The following SETBP1 variants were observed in gnomAD, a reference collection of about 807,000 sequenced individuals.
The protein encoded by SETBP1 is SET binding protein 1, also known as SET-binding protein.
In SETBP1, 9 loss-of-function variants were observed where a neutral mutation model predicts 101.0. That is an observed-to-expected ratio of 0.09 (90% CI 0.05 to 0.16). SETBP1 has a LOEUF of 0.16. Ranked by LOEUF, SETBP1 falls within the 10% of genes least tolerant of loss-of-function variation. The pLI is 1.00. For synonymous variants in SETBP1, 818 were observed against 788.5 expected (o/e 1.04, Z -0.63); for missense variants, 1,858 against 2,033.8 (o/e 0.91, Z 1.66).
chr18:44,891,676 A>G (rs1158393329), intron 3 of SETBP1, among the ~76,000 whole-genome samples: 1 of 152,066 alleles, frequency 6.6e-6, no homozygotes, highest in Non-Finnish European at 1.5e-5. Flanking sequence ...GCATGATCTC[A>G]ACTGGCTGTA....
intron 2 of SETBP1, among the ~76,000 whole-genome samples, chr18:44,798,947 T>A (rs189888670): frequency 3.3e-4 from 50 of 152,346 alleles, no homozygotes; most frequent in Admixed American, 3.3e-3. Flanking sequence ...TTGCCTCCAC[T>A]GATAGGCAGT....
chr18:44,729,271 G>A (rs1053268043), intron 2 of SETBP1, among the ~76,000 whole-genome samples: 3 of 152,186 alleles, frequency 2.0e-5, no homozygotes, highest in African/African-American at 7.2e-5. Context: ...TTCTGGAAAG[G>A]TCACATGGAG....
At chr18:44,931,825 A>G (rs747557392) in intron 3 of SETBP1, among the ~76,000 whole-genome samples, 3 of 152,108 alleles carry the variant, frequency 2.0e-5, no homozygotes, top group Non-Finnish European at 4.4e-5. Context: ...TTTTGAGCCT[A>G]TATGTGTCTC....
At chr18:44,717,721 C>T (rs148207629) in intron 2 of SETBP1, among the ~76,000 whole-genome samples, 453 of 152,328 alleles carry the variant, frequency 3.0e-3, no homozygotes, top group African/African-American at 0.011. Flanking sequence ...CATTTCTTCC[C>T]TCCTCTCACT....
intron 5 of SETBP1, among the ~76,000 whole-genome samples, chr18:45,046,167 AT>A (rs1316837598): frequency 6.6e-6 from 1 of 152,208 alleles, no homozygotes; most frequent in Admixed American, 6.5e-5. Context: ...GCCAGATCTT[AT>A]TCAACTTTAC....
chr18:44,747,010 T>C (rs1842005439), intron 2 of SETBP1, among the ~76,000 whole-genome samples: 1 of 152,220 alleles, frequency 6.6e-6, no homozygotes, highest in Admixed American at 6.5e-5. Context: ...TGGCCAGAGA[T>C]AGACCTTGGC....
intron 3 of SETBP1, among the ~76,000 whole-genome samples, chr18:44,885,962 A>G (rs954162052): frequency 2.6e-5 from 4 of 151,568 alleles, no homozygotes; most frequent in Non-Finnish European, 5.9e-5. Flanking sequence ...TATTTTCCTA[A>G]GTTCTCAATG....
chr18:44,763,133 T>C (rs540767501), intron 2 of SETBP1, among the ~76,000 whole-genome samples: 6 of 152,112 alleles, frequency 3.9e-5, no homozygotes, highest in Admixed American at 1.3e-4. Flanking sequence ...GCCTAAAAAT[T>C]AAATAGAGAT....
intron 4 of SETBP1, among the ~76,000 whole-genome samples, chr18:44,975,879 CTCAGAGGGTTAAGTG>C (rs2071974280): frequency 6.6e-6 from 1 of 152,140 alleles, no homozygotes; most frequent in Non-Finnish European, 1.5e-5. Flanking sequence ...AAAATCAAAG[CTCAGAGGGTTAAGTG>C]TCCTTGCTGA....
chr18:44,899,679 T>C (rs529639901), intron 3 of SETBP1, among the ~76,000 whole-genome samples: 100 of 152,306 alleles, frequency 6.6e-4, no homozygotes, highest in African/African-American at 2.3e-3. Flanking sequence ...GCCTCACAAC[T>C]TTATTATGCA....
Position 44,876,519 on chromosome 18 carries a change from T to G in SETBP1, c.540+7236T>G, listed in dbSNP as rs1238964363. Reference sequence around the variant, plus strand: ...TCTGGGTGGGGTCTGGATATTGGTATTTTCAGAAGCTCTCCAAAATCTAAG... The same window carrying G: ...TCTGGGTGGGGTCTGGATATTGGTAGTTTCAGAAGCTCTCCAAAATCTAAG... On this transcript the variant is annotated intron_variant, in intron 3 of 5. Transcript: ENST00000649279. The G allele has an allele frequency of 2.1e-6, 3 of 1,409,960 alleles. No homozygotes were observed. The South Asian group carries it at 3.7e-5, about 17-fold the overall frequency. 87.3% of individuals were successfully genotyped at this position (1,409,960 alleles called of 1,614,324 possible). A position where few individuals can be genotyped will look rare whatever the true frequency, so the allele number is the denominator to read the frequency against.
chr18:44,959,296 G>GGCA (rs1391060412), intron 4 of SETBP1, among the ~76,000 whole-genome samples: 1 of 152,114 alleles, frequency 6.6e-6, no homozygotes, highest in Non-Finnish European at 1.5e-5. Context: ...AGATAAGCAA[G>GGCA]GCACCTTTGG....
intron 4 of SETBP1, among the ~76,000 whole-genome samples, chr18:45,027,427 T>C (rs1219927680): frequency 1.3e-5 from 2 of 152,184 alleles, no homozygotes; most frequent in Non-Finnish European, 2.9e-5. Context: ...TCTCATGATT[T>C]CAGTCTCTTA....
At chr18:44,908,909 A>G (rs2070239927) in intron 3 of SETBP1, among the ~76,000 whole-genome samples, 2 of 152,236 alleles carry the variant, frequency 1.3e-5, no homozygotes, top group African/African-American at 4.8e-5. Context: ...CTCATTTTAT[A>G]AAATTCAACC....
chr18:44,873,621 C>T (rs115686234), intron 3 of SETBP1, among the ~76,000 whole-genome samples: 26 of 152,118 alleles, frequency 1.7e-4, no homozygotes, highest in African/African-American at 6.3e-4. Flanking sequence ...ACAACAATGG[C>T]GATGCTTAGG....
intron 2 of SETBP1, among the ~76,000 whole-genome samples, chr18:44,844,601 A>G (rs1191478368): frequency 6.6e-6 from 1 of 152,178 alleles, no homozygotes; most frequent in African/African-American, 2.4e-5. Flanking sequence ...GATTGCTCCA[A>G]AGCCTCCCCT....
At chr18:44,749,605 A>G (rs892071695) in intron 2 of SETBP1, among the ~76,000 whole-genome samples, 7 of 152,194 alleles carry the variant, frequency 4.6e-5, no homozygotes, top group Non-Finnish European at 8.8e-5. Context: ...GAGAAAATTG[A>G]TCTGCAACAT....
intron 3 of SETBP1, among the ~76,000 whole-genome samples, chr18:44,920,495 A>G (rs2070553772): frequency 6.6e-6 from 1 of 152,228 alleles, no homozygotes; most frequent in African/African-American, 2.4e-5. Flanking sequence ...GAGAACTTAC[A>G]GACTAATTGT....
chr18:45,023,534 A>G (rs963229512), intron 4 of SETBP1, among the ~76,000 whole-genome samples: 1 of 152,222 alleles, frequency 6.6e-6, no homozygotes, highest in Non-Finnish European at 1.5e-5. Flanking sequence ...CTTATAGCCA[A>G]CCACCAGCCG....
Sources: gnomAD v4.1 joint callset for allele counts (sites outside exome capture counted in the v4.1 genomes callset) on GRCh38, gnomAD v4.1.1 for gene constraint, MANE v1.5 for transcripts, NCBI Gene and HGNC (gene_info 2026-07-23, HGNC 2026-07-21) for gene names.